TRPM3: variants seen among roughly 807,000 people sequenced by gnomAD.
TRPM3 encodes long transient receptor potential channel 3.
A neutral mutation model predicts 181.2 loss-of-function variants in TRPM3; 77 were observed. The ratio of observed to expected loss-of-function variants is 0.42; its 90% CI spans 0.35 to 0.51. The LOEUF is 0.51. Among genes scored for constraint, TRPM3 ranks in the 20% least tolerant of loss-of-function variants. The pLI is 0.01. For missense variants in TRPM3, 1,759 were observed against 2,196.7 expected (o/e 0.80, Z 3.98); for synonymous variants, 745 against 796.4 (o/e 0.94, Z 1.09).
In TRPM3 at chr9:70,894,852, T is replaced by C. The variant is rs1182288266; in HGVS notation, c.178-30341A>G. Among the ~76,000 whole-genome samples the C allele has an allele frequency of 2.6e-5, 4 of 152,294 alleles. No homozygotes were observed. In the East Asian group the frequency reaches 7.7e-4, roughly 29 times the overall value. On this transcript the variant is annotated intron_variant, in intron 1 of 25. Transcript: ENST00000677713. The stretch of plus-strand genomic sequence containing the variant: ...TCTTCAAGAAGCTTACATTTTAGTG[T>C]CACGCTGATTCTAACAGGACCTATT...
chr9:71,406,116 A>G (rs12377386), intron 1 of TRPM3, among the ~76,000 whole-genome samples: 3,359 of 152,280 alleles, frequency 0.022, 51 homozygotes, highest in Middle Eastern at 0.061. Context: ...TCTACTAAAA[A>G]TACAACAACA....
At chr9:70,878,379 CA>C (rs1208471169) in intron 1 of TRPM3, among the ~76,000 whole-genome samples, 3 of 152,036 alleles carry the variant, frequency 2.0e-5, no homozygotes, top group African/African-American at 7.2e-5. Flanking sequence ...AATGAGCCAT[CA>C]GAGCTGTACT....
intron 1 of TRPM3, among the ~76,000 whole-genome samples, chr9:70,901,840 CTAA>C (rs1052880736): frequency 6.6e-6 from 1 of 152,158 alleles, no homozygotes; most frequent in East Asian, 1.9e-4. Context: ...CAGAGAATGA[CTAA>C]TGATATGAGA....
intron 1 of TRPM3, among the ~76,000 whole-genome samples, chr9:71,045,024 A>T (rs2059272460): frequency 6.6e-6 from 1 of 152,016 alleles, no homozygotes; most frequent in African/African-American, 2.4e-5. Context: ...AATCCAGGAG[A>T]CACTCCATCG....
At chr9:70,998,140 TAC>T (rs72217172) in intron 1 of TRPM3, among the ~76,000 whole-genome samples, 1 of 58,278 alleles carries the variant, frequency 1.7e-5, no homozygotes, top group South Asian at 6.5e-4. Flanking sequence ...TACATATATA[TAC>T]ACATATATAT....
intron 1 of TRPM3, among the ~76,000 whole-genome samples, chr9:71,220,700 G>A (rs73467794): frequency 6.6e-6 from 1 of 152,190 alleles, no homozygotes; most frequent in African/African-American, 2.4e-5. Context: ...CTTCTAGAAT[G>A]GATTTAATAA....
chr9:70,782,473 A>G (rs1283229743), intron 7 of TRPM3, among the ~76,000 whole-genome samples: 1 of 152,128 alleles, frequency 6.6e-6, no homozygotes, highest in Non-Finnish European at 1.5e-5. Flanking sequence ...TGGCCTCCCA[A>G]AGTGCTGGGA....
intron 1 of TRPM3, among the ~76,000 whole-genome samples, chr9:71,193,806 C>G (rs561296709): frequency 1.1e-4 from 17 of 151,894 alleles, no homozygotes; most frequent in Admixed American, 2.6e-4. Flanking sequence ...GGAAAATACA[C>G]TACTCACAAG....
chr9:71,382,929 C>G (rs949071964), intron 1 of TRPM3, among the ~76,000 whole-genome samples: 1 of 152,016 alleles, frequency 6.6e-6, no homozygotes, highest in East Asian at 1.9e-4. Flanking sequence ...TTTTCAGGAC[C>G]GAGATACTTA....
intron 1 of TRPM3, among the ~76,000 whole-genome samples, chr9:71,268,901 T>C (rs985515045): frequency 6.6e-6 from 1 of 152,128 alleles, no homozygotes; most frequent in Non-Finnish European, 1.5e-5. Context: ...ATATTTGCAC[T>C]AAACTTTGAC....
intron 1 of TRPM3, among the ~76,000 whole-genome samples, chr9:71,398,450 A>C (rs184320244): frequency 9.2e-5 from 14 of 152,214 alleles, no homozygotes; most frequent in African/African-American, 3.4e-4. Context: ...ATAATTCCCA[A>C]TGTTGGGGGA....
rs190078516 is a variant in TRPM3 at position 71,285,150 on chromosome 9, A to C, written c.183+161503T>G. The stretch of plus-strand genomic sequence containing the variant: ...TTTTTGTAACACTTACCTAAGTAAG[A>C]TATTTTACATTTTCTTCTAAAAGTG... On this transcript the variant is annotated intron_variant, in intron 1 of 24. Transcript: ENST00000357533. Among the ~76,000 whole-genome samples, 116 of 152,292 alleles carry C rather than the reference A, an allele frequency of 7.6e-4. 2 individuals carry two copies. Among genetic ancestry groups the C allele is most frequent in the Non-Finnish European group, 2.9e-4 (20 of 68,022 alleles).
At chr9:71,377,321 C>T (rs1001549194) in intron 1 of TRPM3, among the ~76,000 whole-genome samples, 4 of 152,052 alleles carry the variant, frequency 2.6e-5, no homozygotes, top group Non-Finnish European at 5.9e-5. Context: ...GGAATATTAA[C>T]CACCATCCAA....
At chr9:70,841,556 A>G (rs1270010544) in intron 5 of TRPM3, among the ~76,000 whole-genome samples, 1 of 147,922 alleles carries the variant, frequency 6.8e-6, no homozygotes, top group Non-Finnish European at 1.5e-5. Context: ...ACAATCAACA[A>G]TGGCAAAAAT....
At chr9:70,559,507 T>C (rs1278237246) in intron 22 of TRPM3, among the ~76,000 whole-genome samples, 2 of 152,192 alleles carry the variant, frequency 1.3e-5, no homozygotes, top group African/African-American at 4.8e-5. Flanking sequence ...TCCCTCTAGA[T>C]GCTGTTGTGT....
At chr9:70,824,868 G>A (rs1294961980) in intron 6 of TRPM3, 1 of 152,094 alleles carries the variant, frequency 6.6e-6, no homozygotes, top group Non-Finnish European at 1.5e-5. Flanking sequence ...TCCGCTTTTT[G>A]CCTGTCTTTG....
chr9:70,922,298 C>T (rs1360893052), intron 1 of TRPM3, among the ~76,000 whole-genome samples: 2 of 152,110 alleles, frequency 1.3e-5, no homozygotes, highest in Non-Finnish European at 2.9e-5. Flanking sequence ...CCCACAAATC[C>T]TGTCCCCAGC....
At chr9:70,953,529 T>C (rs2097028598) in intron 1 of TRPM3, among the ~76,000 whole-genome samples, 1 of 152,182 alleles carries the variant, frequency 6.6e-6, no homozygotes, top group African/African-American at 2.4e-5. Flanking sequence ...AAAAATATAA[T>C]TTTTGAGAAA....
At chr9:70,779,994 T>C (rs1192952083) in intron 7 of TRPM3, among the ~76,000 whole-genome samples, 2 of 152,202 alleles carry the variant, frequency 1.3e-5, no homozygotes, top group Admixed American at 6.5e-5. Flanking sequence ...TCTTAGTTTA[T>C]CCAAACCCAT....
Sources: gnomAD v4.1 joint callset for allele counts (sites outside exome capture counted in the v4.1 genomes callset) on GRCh38, gnomAD v4.1.1 for gene constraint, MANE v1.5 for transcripts, NCBI Gene and HGNC (gene_info 2026-07-23, HGNC 2026-07-21) for gene names.